Variants in CHRM3 observed in about 807,000 individuals in gnomAD.
The protein encoded by CHRM3 is muscarinic acetylcholine receptor M3.
In CHRM3, 11 loss-of-function variants were observed where a neutral mutation model predicts 41.8. The ratio of observed to expected loss-of-function variants is 0.26; its 90% confidence interval spans 0.17 to 0.44. The LOEUF (loss-of-function observed/expected upper bound fraction) is 0.44. Ranked by LOEUF, CHRM3 falls within the 20% of genes least tolerant of loss-of-function variation. CHRM3 has a pLI of 1.00. For missense variants in CHRM3, 571 were observed against 745.4 expected (o/e 0.77, Z 2.72); for synonymous variants, 297 against 301.4 (o/e 0.99, Z 0.15).
chr1:239,608,421 A>G (rs759808422), intron 3 of CHRM3, among the ~76,000 whole-genome samples: 1 of 152,142 alleles, frequency 6.6e-6, no homozygotes, highest in Non-Finnish European at 1.5e-5. Context: ...AATAAATTAG[A>G]ATTTCTAAAA....
intron 4 of CHRM3, among the ~76,000 whole-genome samples, chr1:239,649,941 T>C (rs1672086739): frequency 6.6e-6 from 1 of 152,212 alleles, no homozygotes; most frequent in African/African-American, 2.4e-5. Flanking sequence ...TTTAAAGCCA[T>C]CCTTTGGATC....
At chr1:239,637,359 A>T (rs1048876520) in intron 4 of CHRM3, among the ~76,000 whole-genome samples, 2 of 152,060 alleles carry the variant, frequency 1.3e-5, no homozygotes, top group African/African-American at 4.8e-5. Flanking sequence ...CACGTTAAAA[A>T]TTTTAATATT....
chr1:239,429,617 T>C (rs944155339), intron 1 of CHRM3, among the ~76,000 whole-genome samples: 1 of 152,200 alleles, frequency 6.6e-6, no homozygotes, highest in African/African-American at 2.4e-5. Context: ...AGAGCTCATG[T>C]GTGAGGCACA....
chr1:239,414,459 A>G (rs77087852), intron 1 of CHRM3, among the ~76,000 whole-genome samples: 4,400 of 152,332 alleles, frequency 0.029, 88 homozygotes, highest in Non-Finnish European at 0.045. Context: ...GGAACAAACC[A>G]TCCTCCAGCC....
At chr1:239,830,850 C>G (rs1672840840) in intron 6 of CHRM3, among the ~76,000 whole-genome samples, 1 of 152,190 alleles carries the variant, frequency 6.6e-6, no homozygotes, top group South Asian at 2.1e-4. Flanking sequence ...CCTACAGACT[C>G]TCACCCCCCT....
chr1:239,891,373 C>A (rs1439843117), intron 6 of CHRM3, among the ~76,000 whole-genome samples: 1 of 152,050 alleles, frequency 6.6e-6, no homozygotes, highest in Non-Finnish European at 1.5e-5. Flanking sequence ...ATAAATCTTT[C>A]CATTTGCATT....
chr1:239,753,295 A>C (rs994089775), intron 5 of CHRM3, among the ~76,000 whole-genome samples: 1 of 152,126 alleles, frequency 6.6e-6, no homozygotes, highest in African/African-American at 2.4e-5. Context: ...ATAATGTATA[A>C]GTCCATTCTC....
At chr1:239,651,404 A>G (rs988051006) in intron 4 of CHRM3, among the ~76,000 whole-genome samples, 7 of 152,200 alleles carry the variant, frequency 4.6e-5, no homozygotes, top group Admixed American at 4.6e-4. Flanking sequence ...TTTCTGCTTC[A>G]AAATGTTTGT....
At chr1:239,428,025 A>G (rs185606512) in intron 1 of CHRM3, among the ~76,000 whole-genome samples, 5 of 152,268 alleles carry the variant, frequency 3.3e-5, no homozygotes, top group South Asian at 2.1e-4. Context: ...TTTGCATCTA[A>G]CAGGAAGATA....
At position 239,401,661 on chromosome 1, in the gene CHRM3, T is replaced by G. The variant is rs548680125; in HGVS notation, c.-521+14434T>G. 5.5e-4 allele frequency among the ~76,000 whole-genome samples: 84 copies of G among 152,160 alleles called. 1 individual carries two copies. The South Asian group carries it at 0.017, about 31-fold the overall frequency. ...ACACACCACCACACCCAGCTAATTT[T>G]TTTGTATTTTTAGTAGAGTCGGGGT... On this transcript the variant is annotated intron_variant, in intron 1 of 6. Coordinates refer to ENST00000676153, the MANE Select transcript of CHRM3 (RefSeq NM_001375978.1).
chr1:239,470,047 T>G (rs1454156102), intron 1 of CHRM3, among the ~76,000 whole-genome samples: 1 of 152,136 alleles, frequency 6.6e-6, no homozygotes, highest in Non-Finnish European at 1.5e-5. Flanking sequence ...TGTGACCTTA[T>G]TTGGAAGTAG....
chr1:239,406,330 A>G (rs1660594632), intron 1 of CHRM3, among the ~76,000 whole-genome samples: 1 of 152,212 alleles, frequency 6.6e-6, no homozygotes, highest in African/African-American at 2.4e-5. Context: ...GGCTCCAGGA[A>G]GTATGCAGTT....
intron 5 of CHRM3, among the ~76,000 whole-genome samples, chr1:239,747,183 A>G (rs1665441560): frequency 6.6e-6 from 1 of 152,204 alleles, no homozygotes; most frequent in Admixed American, 6.5e-5. Context: ...TTTTTCCCAC[A>G]TATAAGTAAA....
At chr1:239,490,399 C>A (rs964543633) in intron 1 of CHRM3, among the ~76,000 whole-genome samples, 10 of 152,018 alleles carry the variant, frequency 6.6e-5, no homozygotes, top group African/African-American at 2.4e-4. Context: ...GTGGAAGAGA[C>A]CTTGAGATCC....
At chr1:239,447,654 T>G (rs975597314) in intron 1 of CHRM3, among the ~76,000 whole-genome samples, 1 of 152,180 alleles carries the variant, frequency 6.6e-6, no homozygotes, top group East Asian at 1.9e-4. Flanking sequence ...CACATGCCTG[T>G]AATCCCAGCT....
At chr1:239,556,535 G>A (rs2148469034) in intron 3 of CHRM3, among the ~76,000 whole-genome samples, 1 of 152,222 alleles carries the variant, frequency 6.6e-6, no homozygotes, top group Admixed American at 6.5e-5. Context: ...TTGTTGACAA[G>A]AATTGTTGGG....
At chr1:239,823,701 G>C (rs1438359405) in intron 5 of CHRM3, among the ~76,000 whole-genome samples, 1 of 152,028 alleles carries the variant, frequency 6.6e-6, no homozygotes, top group Non-Finnish European at 1.5e-5. Context: ...TCAGGAAGTG[G>C]TTTATGTGAG....
At chr1:239,443,385 T>C (rs928890341) in intron 1 of CHRM3, among the ~76,000 whole-genome samples, 3 of 152,134 alleles carry the variant, frequency 2.0e-5, no homozygotes, top group African/African-American at 7.2e-5. Context: ...CTTTGTAATG[T>C]CACGAATGCA....
intron 4 of CHRM3, among the ~76,000 whole-genome samples, chr1:239,653,391 T>G (rs1672417225): frequency 6.6e-6 from 1 of 152,114 alleles, no homozygotes; most frequent in African/African-American, 2.4e-5. Context: ...AGCAGGAATC[T>G]TTTTACAACC....
Sources: allele counts gnomAD v4.1 joint callset (sites outside exome capture counted in the v4.1 genomes callset), GRCh38; gene constraint gnomAD v4.1.1; transcripts MANE v1.5; gene names NCBI Gene and HGNC (gene_info 2026-07-23, HGNC 2026-07-21).